The following HSPH1 variants were observed in gnomAD, a reference collection of about 807,000 sequenced individuals.
HSPH1 encodes heat shock protein 105 kDa.
Under a neutral mutation model 100.0 loss-of-function variants are expected in HSPH1, and 40 were observed. That is an observed-to-expected ratio of 0.40 (90% confidence interval 0.31 to 0.52). The LOEUF (loss-of-function observed/expected upper bound fraction) is 0.52, where lower values mean the gene tolerates loss of function less well. HSPH1 is among the 20% of genes least tolerant of loss of function. The pLI is 0.54. For missense variants in HSPH1, 876 were observed against 1,015.1 expected (o/e 0.86, Z 1.86); for synonymous variants, 403 against 344.0 (o/e 1.17, Z -1.90).
At chr13:31,161,390 G>T in intron 1 of HSPH1, 86 bp downstream of exon 1, 1 of 1,546,016 alleles carries the variant, frequency 6.5e-7, no homozygotes, top group Non-Finnish European at 8.8e-7. Context: ...TTGCCGCGGT[G>T]ATCCGTACAG....
chr13:31,146,030 G>T (rs568199077), intron 10 of HSPH1, among the ~76,000 whole-genome samples: 1 of 152,114 alleles, frequency 6.6e-6, no homozygotes, highest in South Asian at 2.1e-4. Context: ...AGCTACTCAG[G>T]AGTCTGAGGC....
Position 31,155,611 on chromosome 13 carries a change from A to C in HSPH1, c.209T>G (p.Phe70Cys). The change falls in exon 3 of 18, where the codon TTT (phenylalanine) becomes TGT (cysteine). Residue 70 changes from phenylalanine to cysteine, a missense_variant. Phe to Cys is a radical substitution (Grantham distance 205). Transcript: ENST00000320027. ...GGGGTCATTGAATGCTCGGCCATGA[A>C]ATCTTTTGAAGTTAGACACCGTATT... ...ANNTVSNFKR[F>C]HGRAFNDPFI... The C allele has an allele frequency of 6.2e-7, 1 of 1,612,030 alleles. No homozygotes were observed. Among genetic ancestry groups the C allele is most frequent in the Non-Finnish European group, 8.5e-7 (1 of 1,178,714 alleles).
chr13:31,159,708 T>C (rs1354246701), intron 1 of HSPH1, among the ~76,000 whole-genome samples: 1 of 152,174 alleles, frequency 6.6e-6, no homozygotes, highest in African/African-American at 2.4e-5. Context: ...TGCTTAGGTA[T>C]GAGTAATGGT....
intron 10 of HSPH1, among the ~76,000 whole-genome samples, chr13:31,147,538 G>C (rs980244536): frequency 8.5e-5 from 13 of 152,076 alleles, no homozygotes; most frequent in Admixed American, 2.0e-4. Context: ...AGGTACACTT[G>C]AGAAGTAGAT....
chr13:31,140,553 T>TAAAAA (rs35691238), intron 13 of HSPH1: 2 of 158,820 alleles, frequency 1.3e-5, no homozygotes, highest in Non-Finnish European at 2.6e-5. Context: ...TATTTAATGC[T>TAAAAA]AAAAAAAAAA....
In HSPH1 at chr13:31,152,928, A is replaced by G. The variant is rs1422602503; in HGVS notation, c.453T>C (p.Ala151=). 1.2e-6 allele frequency: 2 copies of G among 1,612,136 alleles called. No individual in the cohort carries two copies. Among genetic ancestry groups the G allele is most frequent in the Non-Finnish European group, 1.7e-6 (2 of 1,178,488 alleles). ...VISVPSFFTD[A]ERRSVLDAAQ... ...CAGCATCTAACACAGATCGCCTCTCAGCATCTGTAAAGAAGGAGGGGACCT... is the reference window on the plus strand; with the variant it reads ...CAGCATCTAACACAGATCGCCTCTCGGCATCTGTAAAGAAGGAGGGGACCT... The change falls in exon 5 of 18, where the codon GCT becomes GCC. Residue 151 remains alanine (A), a synonymous_variant. Transcript: ENST00000320027.
At chr13:31,138,708 G>T in intron 16 of HSPH1, 73 bp downstream of exon 16, 1 of 1,548,046 alleles carries the variant, frequency 6.5e-7, no homozygotes, top group South Asian at 1.2e-5. Context: ...TATTCATGAT[G>T]ATTCCCAGCT....
intron 4 of HSPH1, 81 bp downstream of exon 4, chr13:31,154,552 T>C (rs1355591695): frequency 2.0e-6 from 3 of 1,503,630 alleles, no homozygotes; most frequent in South Asian, 2.3e-5. Context: ...AAAGAACAGC[T>C]TTCCCACATT....
chr13:31,137,659 C>G, intron 17 of HSPH1, 135 bp from the exon 18 acceptor site: 1 of 666,742 alleles, frequency 1.5e-6, no homozygotes. Flanking sequence ...TTTCTCATTA[C>G]ACTTGCCCCA....
chr13:31,149,666 C>T (rs1431488552), intron 8 of HSPH1, among the ~76,000 whole-genome samples: 1 of 152,196 alleles, frequency 6.6e-6, no homozygotes, highest in Non-Finnish European at 1.5e-5. Context: ...ACAACTGCCA[C>T]TACTACACAG....
At chr13:31,138,952 T>C in intron 15 of HSPH1, 48 bp downstream of exon 15, 1 of 1,585,674 alleles carries the variant, frequency 6.3e-7, no homozygotes, top group Non-Finnish European at 8.6e-7. Context: ...TTTTAAAGTC[T>C]ATAGTTTAAA....
rs1419898102 is a variant in HSPH1 at position 31,138,797 on chromosome 13, G to A, written c.2192C>T (p.Ala731Val). The A allele has an allele frequency of 5.6e-6, 9 of 1,607,164 alleles. No individual in the cohort carries two copies. The highest frequency in any genetic ancestry group is 7.6e-6 in the Non-Finnish European group (9 of 1,178,050). ...CTGACTCACCTTATTTCTGAAGTCA[G>A]CTGCTATCTTGGCATAATGCTGCAG... is the stretch of plus-strand genomic sequence containing the variant. Reference protein sequence around the residue: ...QRLQHYAKIAADFRNKDEKYN... With the variant: ...QRLQHYAKIAVDFRNKDEKYN... The change falls in exon 16 of 18, where the codon GCT (alanine) becomes GTT (valine). Residue 731 changes from alanine to valine, a missense_variant. Physicochemically the swap from Ala to Val is moderately conservative, Grantham distance 64. Transcript: ENST00000320027.
chr13:31,149,691 A>G (rs1490075710), intron 8 of HSPH1, among the ~76,000 whole-genome samples: 1 of 152,196 alleles, frequency 6.6e-6, no homozygotes, highest in Non-Finnish European at 1.5e-5. Flanking sequence ...TTAGTGTTTC[A>G]GCTGTGTTTT....
chr13:31,161,909 G>T (rs574945254), upstream of HSPH1: 2 of 1,511,180 alleles, frequency 1.3e-6, no homozygotes, highest in African/African-American at 1.4e-5. Flanking sequence ...CGACCCAAAA[G>T]GGGAGGTCCC....
At position 31,151,549 on chromosome 13, in the gene HSPH1, T is replaced by C. The variant is rs2137609408; in HGVS notation, c.663+60A>G. On this transcript the variant is annotated intron_variant, in intron 6 of 17. Transcript: ENST00000320027. ...GAAAAAGCCTAGTAAAGAGGCTCAGTAGCTTAAAGTCACAACACTTAACGT... is the reference window on the plus strand; with the variant it reads ...GAAAAAGCCTAGTAAAGAGGCTCAGCAGCTTAAAGTCACAACACTTAACGT... 2.1e-5 allele frequency: 32 copies of C among 1,489,678 alleles called. No homozygotes were observed. The South Asian group carries it at 3.1e-4, about 14-fold the overall frequency. 92.3% of individuals were successfully genotyped at this position (1,489,678 alleles called of 1,614,324 possible).
At chr13:31,153,633 C>T (rs1212080347) in intron 4 of HSPH1, among the ~76,000 whole-genome samples, 1 of 152,140 alleles carries the variant, frequency 6.6e-6, no homozygotes, top group African/African-American at 2.4e-5. Context: ...AAAAAAGTAT[C>T]TAACAACACA....
intron 12 of HSPH1, among the ~76,000 whole-genome samples, chr13:31,143,264 T>C (rs1414695915): frequency 1.3e-5 from 2 of 152,258 alleles, no homozygotes; most frequent in Admixed American, 6.5e-5. Context: ...AACATCACTA[T>C]TTAAGTTAGC....
intron 1 of HSPH1, 29 bp downstream of exon 1, chr13:31,161,447 C>T (rs777072033): frequency 1.9e-6 from 3 of 1,613,080 alleles, no homozygotes; most frequent in Non-Finnish European, 1.7e-6. Flanking sequence ...AGAACCTCCT[C>T]CCATCCACCC....
chr13:31,157,703 CTTT>C (rs1469837421), intron 2 of HSPH1, among the ~76,000 whole-genome samples: 2 of 152,156 alleles, frequency 1.3e-5, no homozygotes, highest in African/African-American at 4.8e-5. Context: ...TTTCACGTAT[CTTT>C]TACTGTTTTT....
Sources: gnomAD v4.1 joint callset for allele counts (sites outside exome capture counted in the v4.1 genomes callset) on GRCh38, gnomAD v4.1.1 for gene constraint, MANE v1.5 for transcripts, NCBI Gene and HGNC (gene_info 2026-07-23, HGNC 2026-07-21) for gene names.